The following UBE2F variants were observed in gnomAD, a reference collection of about 807,000 sequenced individuals.
UBE2F encodes the protein ubiquitin conjugating enzyme E2 F (putative), also known as NEDD8-conjugating enzyme UBE2F.
A neutral mutation model predicts 29.6 loss-of-function variants in UBE2F; 5 were observed. The ratio of observed to expected loss-of-function variants is 0.17; its 90% CI spans 0.09 to 0.36. The LOEUF (loss-of-function observed/expected upper bound fraction) is 0.36. Ranked by LOEUF, UBE2F falls within the 10% of genes least tolerant of loss-of-function variation. The pLI, the probability that UBE2F is intolerant of heterozygous loss-of-function variation, is 1.00. For missense variants in UBE2F, 141 were observed against 228.5 expected, an observed-to-expected ratio of 0.62 and a Z score of 2.47; for synonymous variants, 66 against 81.8, an observed-to-expected ratio of 0.81 and a Z score of 1.04.
Position 238,016,605 on chromosome 2 carries a change from C to T in UBE2F, c.254C>T (p.Thr85Ile). ...CAGGGTGGAAAATTTCAGTTTGAAA[C>T]TGAAGTTCCCGATGCGTACAACATG... ...YYQGGKFQFETEVPDAYNMVP... is the reference protein window; with the variant it reads ...YYQGGKFQFEIEVPDAYNMVP... The change falls in exon 5 of 10, where the codon ACT becomes ATT. Residue 85 changes from threonine to isoleucine, a missense_variant. Transcript: ENST00000272930. 6.2e-7 allele frequency: 1 copy of T among 1,613,038 alleles called. No homozygotes were observed. Among genetic ancestry groups the T allele is most frequent in the Non-Finnish European group, 8.5e-7 (1 of 1,179,682 alleles).
At chr2:237,978,947 G>A (rs1431243430) in intron 2 of UBE2F, among the ~76,000 whole-genome samples, 1 of 152,130 alleles carries the variant, frequency 6.6e-6, no homozygotes, top group African/African-American at 2.4e-5. Context: ...TCTGAAGTTT[G>A]GCACTGTTTC....
At chr2:238,034,165 C>G (rs1178185844) in intron 8 of UBE2F, among the ~76,000 whole-genome samples, 2 of 152,040 alleles carry the variant, frequency 1.3e-5, no homozygotes, top group African/African-American at 4.8e-5. Flanking sequence ...TGACTCACGC[C>G]TGTACTCCCA....
chr2:238,021,544 G>A (rs1038776627), intron 5 of UBE2F, among the ~76,000 whole-genome samples: 6 of 152,148 alleles, frequency 3.9e-5, no homozygotes, highest in African/African-American at 1.4e-4. Context: ...ATAATATGAT[G>A]GACGTACACA....
At chr2:237,979,501 G>A (rs528455384) in intron 2 of UBE2F, among the ~76,000 whole-genome samples, 5 of 152,358 alleles carry the variant, frequency 3.3e-5, no homozygotes, top group South Asian at 4.1e-4. Context: ...CTAGCAGGGC[G>A]GGCTCAGGGT....
At position 237,999,257 on chromosome 2, in the gene UBE2F, A is replaced by T. The variant is rs1348216348; in HGVS notation, c.214+4448A>T. On this transcript the variant is annotated intron_variant, in intron 4 of 9. Transcript: ENST00000272930. ...TTCATCCATTGTAGTTTTAGTAGAG[A>T]CGGGGTTTTGCTGTGTTGGCCAGGA... Among the ~76,000 whole-genome samples, 3 of 152,050 alleles carry T rather than the reference A, an allele frequency of 2.0e-5. No individual in the cohort carries two copies. The East Asian group carries it at 5.8e-4, about 29-fold the overall frequency.
chr2:238,040,580 C>T lies in UBE2F; in HGVS notation c.508-708C>T, dbSNP rs768571727. ...TAAGAGCTCCAAGTCATTCTTACGG[C>T]TCATACAGTCCCATGGGATTTTACT... On this transcript the variant is annotated intron_variant, in intron 9 of 9. Transcript: ENST00000272930. The surrounding 1 kb of genome is among the most constrained non-coding windows in gnomAD (Gnocchi z 4.4). 6.6e-6 allele frequency among the ~76,000 whole-genome samples: 1 copy of T among 152,152 alleles called. No individual in the cohort carries two copies. The highest frequency in any genetic ancestry group is 1.5e-5 in the Non-Finnish European group (1 of 68,022).
chr2:238,015,853 C>T (rs957936802), intron 4 of UBE2F, among the ~76,000 whole-genome samples: 2 of 152,072 alleles, frequency 1.3e-5, no homozygotes, highest in African/African-American at 2.4e-5. Context: ...ACTTAGTGAC[C>T]CCAGGCTGGG....
intron 3 of UBE2F, among the ~76,000 whole-genome samples, chr2:237,989,181 G>A (rs1350509990): frequency 6.6e-6 from 1 of 152,108 alleles, no homozygotes; most frequent in Non-Finnish European, 1.5e-5. Context: ...TGGGTCTGCT[G>A]GTTTGGGTGA....
chr2:238,029,591 G>A (rs1431145309), intron 6 of UBE2F, among the ~76,000 whole-genome samples: 3 of 53,710 alleles, frequency 5.6e-5, no homozygotes. Flanking sequence ...GAGAGACTCC[G>A]TCTCAAAAAA....
chr2:238,027,926 C>T (rs536676741), intron 6 of UBE2F, among the ~76,000 whole-genome samples: 33 of 152,340 alleles, frequency 2.2e-4, no homozygotes, highest in African/African-American at 7.7e-4. Flanking sequence ...AGGGACCCTT[C>T]GCCTGCTCTG....
chr2:237,967,121 C>G lies in UBE2F; in HGVS notation c.-28C>G. 1 of 1,334,656 alleles carries G rather than the reference C, an allele frequency of 7.5e-7. No individual in the cohort carries two copies. Among genetic ancestry groups the G allele is most frequent in the South Asian group, 1.8e-5 (1 of 56,342 alleles). The allele number at this position is 1,334,656 out of a possible 1,614,324, so 82.7% of individuals were successfully genotyped here. On this transcript the variant is annotated 5_prime_UTR_variant, in exon 1 of 10. Coordinates refer to ENST00000272930, the MANE Select transcript of UBE2F (RefSeq NM_080678.3). This position sits in a 1 kb window ranked among gnomAD's most constrained non-coding sequence, Gnocchi z 6.3. ...GGCGCCGGGCCCGCCTCGCCTGTCTCGGGGAGCCCAGGTGAGGAGCGACCG... is the reference window on the plus strand; with the variant it reads ...GGCGCCGGGCCCGCCTCGCCTGTCTGGGGGAGCCCAGGTGAGGAGCGACCG...
intron 5 of UBE2F, among the ~76,000 whole-genome samples, chr2:238,018,916 A>G (rs1184017453): frequency 6.6e-6 from 1 of 152,214 alleles, no homozygotes; most frequent in Non-Finnish European, 1.5e-5. Flanking sequence ...AGAAATAGGA[A>G]GGAAAATGGA....
intron 2 of UBE2F, 110 bp from the exon 3 acceptor site, chr2:237,987,852 CT>C (rs1553551928): frequency 0.028 from 14,539 of 513,168 alleles, 110 homozygotes; most frequent in South Asian, 0.044. Context: ...TCAGTTCATC[CT>C]TTTTTTTTTT....
Position 238,030,440 on chromosome 2 carries a change from G to C in UBE2F, c.354-116G>C, listed in dbSNP as rs563651966. 2.2e-4 allele frequency: 150 copies of C among 697,316 alleles called. 3 individuals are homozygous for C. The South Asian group carries it at 2.4e-3, about 11-fold the overall frequency. 43.2% of individuals were successfully genotyped at this position (697,316 alleles called of 1,614,324 possible). A position where few individuals can be genotyped will look rare whatever the true frequency, so the allele number is the denominator to read the frequency against. Reference sequence around the variant, plus strand: ...AAAACTGAGAAGCCACAGAGGAAAAGATGGGTTTAATAAAAAGTAGAGCTC... The same window carrying C: ...AAAACTGAGAAGCCACAGAGGAAAACATGGGTTTAATAAAAAGTAGAGCTC... On this transcript the variant is annotated intron_variant, in intron 6 of 9. Coordinates refer to ENST00000272930, the MANE Select transcript of UBE2F (RefSeq NM_080678.3).
intron 5 of UBE2F, among the ~76,000 whole-genome samples, chr2:238,018,834 C>T (rs546928095): frequency 2.9e-4 from 44 of 152,180 alleles, no homozygotes; most frequent in Non-Finnish European, 5.9e-4. Context: ...AGCTTTTAAG[C>T]GTGTGCCCTT....
chr2:238,018,150 C>T (rs774611532), intron 5 of UBE2F, among the ~76,000 whole-genome samples: 2 of 152,094 alleles, frequency 1.3e-5, no homozygotes, highest in African/African-American at 4.8e-5. Flanking sequence ...AGAAACCTGG[C>T]GACGGAGCAC....
chr2:238,031,199 C>T lies in UBE2F; in HGVS notation c.411+586C>T, dbSNP rs545842924. ...CCAGCCTTTTCTTAGCCTCTCCCCA[C>T]GCTCTAGAAATGTCCTGCCCTCTCA... On this transcript the variant is annotated intron_variant, in intron 7 of 9. Coordinates refer to ENST00000272930, the MANE Select transcript of UBE2F (RefSeq NM_080678.3). Among the ~76,000 whole-genome samples, 10 of 152,362 alleles carry T rather than the reference C, an allele frequency of 6.6e-5. No homozygotes were observed. The South Asian group carries it at 1.7e-3, about 25-fold the overall frequency.
chr2:237,985,883 T>A (rs1559204815), intron 2 of UBE2F, among the ~76,000 whole-genome samples: 1 of 152,222 alleles, frequency 6.6e-6, no homozygotes, highest in Non-Finnish European at 1.5e-5. Flanking sequence ...TAGCAGCCAT[T>A]CTAACAGGTG....
intron 2 of UBE2F, chr2:237,986,311 C>T (rs12473327): frequency 0.41 from 78,559 of 189,350 alleles, 16,774 homozygotes; most frequent in East Asian, 0.71. Context: ...CACCACAACC[C>T]ATTAATTTTT....
Sources: gnomAD v4.1 joint callset for allele counts (sites outside exome capture counted in the v4.1 genomes callset) on GRCh38, gnomAD v4.1.1 for gene constraint, Gnocchi (gnomAD v3.1) non-coding constraint, MANE v1.5 for transcripts, NCBI Gene and HGNC (gene_info 2026-07-23, HGNC 2026-07-21) for gene names.